Variants in MELK observed in about 807,000 individuals in gnomAD.
MELK encodes the protein pEg3 kinase.
A neutral mutation model predicts 85.0 loss-of-function variants in MELK; 81 were observed. That is an observed-to-expected ratio of 0.95 (90% CI 0.80 to 1.15). MELK has a LOEUF of 1.15. MELK is among the 50% of genes most tolerant of loss of function. The pLI is 0.00. For missense variants in MELK, 754 were observed against 777.5 expected, an observed-to-expected ratio of 0.97 and a Z score of 0.36; for synonymous variants, 252 against 265.0, an observed-to-expected ratio of 0.95 and a Z score of 0.48.
chr9:36,601,442 T>C (rs75434761), intron 7 of MELK, among the ~76,000 whole-genome samples: 4,449 of 152,266 alleles, frequency 0.029, 220 homozygotes, highest in African/African-American at 0.1. Context: ...AGGTTATGTA[T>C]TTTTGGCAGA....
chr9:36,573,126 G>C (rs957005634), intron 1 of MELK, 119 bp downstream of exon 1: 2 of 152,258 alleles, frequency 1.3e-5, no homozygotes, highest in African/African-American at 4.8e-5. Flanking sequence ...GGATTTCATC[G>C]GAGCCCCGCG....
intron 14 of MELK, among the ~76,000 whole-genome samples, chr9:36,667,298 GGC>G (rs1366223487): frequency 6.6e-6 from 1 of 152,018 alleles, no homozygotes; most frequent in Non-Finnish European, 1.5e-5. Context: ...TGGGATTACA[GGC>G]GCCTGCTACC....
intron 4 of MELK, among the ~76,000 whole-genome samples, chr9:36,593,177 T>C (rs1186588599): frequency 8.3e-6 from 1 of 120,244 alleles, no homozygotes; most frequent in East Asian, 2.0e-4. Flanking sequence ...GAGCTTCCTC[T>C]TTTTTTTTTT....
chr9:36,617,832 G>A (rs1053869080), intron 8 of MELK, among the ~76,000 whole-genome samples: 4 of 152,162 alleles, frequency 2.6e-5, no homozygotes, highest in Admixed American at 2.6e-4. Context: ...GGATTTTAAA[G>A]ATCTAATTGT....
chr9:36,590,952 G>C (rs1823473717), intron 4 of MELK, among the ~76,000 whole-genome samples: 1 of 151,864 alleles, frequency 6.6e-6, no homozygotes, highest in African/African-American at 2.4e-5. Flanking sequence ...GGGTGTGATG[G>C]CGCGTGGTGC....
At chr9:36,660,571 G>A (rs1258677297) in intron 13 of MELK, among the ~76,000 whole-genome samples, 5 of 150,994 alleles carry the variant, frequency 3.3e-5, no homozygotes, top group East Asian at 2.0e-4. Context: ...ATCCACCCGC[G>A]TTGGCCTCCC....
At chr9:36,628,640 G>C (rs888875011) in intron 8 of MELK, among the ~76,000 whole-genome samples, 4 of 151,488 alleles carry the variant, frequency 2.6e-5, no homozygotes, top group Admixed American at 2.0e-4. Context: ...GGATGGTCTT[G>C]ATCTCTTGAC....
At chr9:36,632,152 TC>T (rs1231259758) in intron 9 of MELK, among the ~76,000 whole-genome samples, 2 of 152,192 alleles carry the variant, frequency 1.3e-5, no homozygotes, top group Non-Finnish European at 2.9e-5. Context: ...ATTCAATAGA[TC>T]TGAGGCAGGA....
At chr9:36,665,258 G>C (rs1832224323) in intron 13 of MELK, 92 bp from the exon 14 acceptor site, 1 of 708,696 alleles carries the variant, frequency 1.4e-6, no homozygotes, top group Admixed American at 2.8e-5. Flanking sequence ...AATAAAAATA[G>C]TACAAGGTAG....
At chr9:36,628,059 G>A (rs569549582) in intron 8 of MELK, among the ~76,000 whole-genome samples, 5 of 151,330 alleles carry the variant, frequency 3.3e-5, no homozygotes, top group Middle Eastern at 3.5e-3. Context: ...GCGCCACCAC[G>A]CCTGGCTAAT....
At chr9:36,578,287 T>C (rs1379407739) in intron 1 of MELK, among the ~76,000 whole-genome samples, 1 of 151,570 alleles carries the variant, frequency 6.6e-6, no homozygotes, top group Admixed American at 6.6e-5. Context: ...TTGTCCCAGC[T>C]CCAGAGCTGC....
intron 3 of MELK, among the ~76,000 whole-genome samples, chr9:36,584,057 G>A (rs1008098296): frequency 2.0e-5 from 3 of 151,972 alleles, no homozygotes; most frequent in Non-Finnish European, 4.4e-5. Flanking sequence ...CCAGGCTGGA[G>A]TACAGTGGCG....
intron 11 of MELK, among the ~76,000 whole-genome samples, chr9:36,648,471 C>T (rs1287460608): frequency 6.6e-6 from 1 of 152,034 alleles, no homozygotes; most frequent in East Asian, 1.9e-4. Flanking sequence ...GCATAACAGC[C>T]TCCTCTTCCG....
intron 1 of MELK, among the ~76,000 whole-genome samples, chr9:36,576,325 G>A (rs1821641291): frequency 6.6e-6 from 1 of 152,098 alleles, no homozygotes; most frequent in Non-Finnish European, 1.5e-5. Context: ...TTATTAAGTT[G>A]GGTCCAGTGT....
At chr9:36,620,000 G>T (rs1030237037) in intron 8 of MELK, among the ~76,000 whole-genome samples, 1 of 152,134 alleles carries the variant, frequency 6.6e-6, no homozygotes, top group Non-Finnish European at 1.5e-5. Flanking sequence ...TTACTTACCA[G>T]GCTGTGCTCT....
At chr9:36,663,216 G>A (rs905332861) in intron 13 of MELK, among the ~76,000 whole-genome samples, 19 of 151,828 alleles carry the variant, frequency 1.3e-4, no homozygotes, top group African/African-American at 4.4e-4. Flanking sequence ...GAGTAGCTGG[G>A]ATTACAGGTG....
chr9:36,581,532 T>C, intron 1 of MELK, 112 bp from the exon 2 acceptor site: 1 of 578,224 alleles, frequency 1.7e-6, no homozygotes, highest in Non-Finnish European at 3.1e-6. Flanking sequence ...CAATAATCAG[T>C]TTTTTCAGTA....
At chr9:36,671,222 CT>C (rs559918386) in intron 16 of MELK, 56 bp downstream of exon 16, 11,312 of 1,116,106 alleles carry the variant, frequency 0.01, no homozygotes, top group South Asian at 0.021. Flanking sequence ...AATGGACTGC[CT>C]TTTTTTTTTA....
Position 36,616,591 on chromosome 9 carries a change from T to C in MELK, c.666+8918T>C, listed in dbSNP as rs542555488. Among the ~76,000 whole-genome samples, 6 of 152,034 alleles carry C rather than the reference T, an allele frequency of 3.9e-5. No individual in the cohort carries two copies. In the East Asian group the frequency reaches 5.8e-4, roughly 15 times the overall value. On this transcript the variant is annotated intron_variant, in intron 8 of 17. Coordinates refer to ENST00000298048, the MANE Select transcript of MELK (RefSeq NM_014791.4). The stretch of plus-strand genomic sequence containing the variant: ...TTTTAGCAGAGATGGGGTTTCACCA[T>C]GTTGGACAGGCTTGTCTCGAACTCC...
Sources: gnomAD v4.1 joint callset for allele counts (sites outside exome capture counted in the v4.1 genomes callset) on GRCh38, gnomAD v4.1.1 for gene constraint, MANE v1.5 for transcripts, NCBI Gene and HGNC (gene_info 2026-07-23, HGNC 2026-07-21) for gene names.